The following ADAMTS19 variants were observed in gnomAD, a reference collection of about 807,000 sequenced individuals.
ADAMTS19 encodes A disintegrin and metalloproteinase with thrombospondin motifs 19.
In ADAMTS19, 93 loss-of-function variants were observed where a neutral mutation model predicts 153.3. That is an observed-to-expected ratio of 0.61 (90% confidence interval 0.51 to 0.72). ADAMTS19 has a LOEUF of 0.72. Among genes scored for constraint, ADAMTS19 ranks in the 30% least tolerant of loss-of-function variants. The pLI, the probability that ADAMTS19 is intolerant of heterozygous loss-of-function variation, is 0.00. For synonymous variants in ADAMTS19, 600 were observed against 556.6 expected (o/e 1.08, Z -1.10); for missense variants, 1,482 against 1,552.1 (o/e 0.95, Z 0.76).
intron 10 of ADAMTS19, among the ~76,000 whole-genome samples, chr5:129,636,825 A>C (rs1290162136): frequency 2.6e-5 from 4 of 152,220 alleles, no homozygotes; most frequent in Non-Finnish European, 4.4e-5. Flanking sequence ...CCTCATTTTT[A>C]TCAGTCTATT....
At chr5:129,564,745 G>A (rs1015988581) in intron 7 of ADAMTS19, among the ~76,000 whole-genome samples, 27 of 152,106 alleles carry the variant, frequency 1.8e-4, no homozygotes, top group African/African-American at 6.5e-4. Context: ...GAAAGGAAAG[G>A]GGTCGGGAAA....
intron 6 of ADAMTS19, among the ~76,000 whole-genome samples, chr5:129,536,226 A>C (rs540780400): frequency 6.6e-6 from 1 of 152,194 alleles, no homozygotes; most frequent in African/African-American, 2.4e-5. Context: ...AAAAAAACAA[A>C]CAACCCCATC....
At chr5:129,658,343 A>G (rs761112965) in intron 14 of ADAMTS19, among the ~76,000 whole-genome samples, 1,700 of 112,212 alleles carry the variant, frequency 0.015, 153 homozygotes, top group African/African-American at 0.065. Context: ...GAAAGAAAGA[A>G]AGAAAGAAAG....
chr5:129,578,037 T>TACAC (rs1442219801), intron 7 of ADAMTS19, among the ~76,000 whole-genome samples: 5 of 100,502 alleles, frequency 5.0e-5, no homozygotes, highest in Admixed American at 1.9e-4. Flanking sequence ...TTTTCAAACT[T>TACAC]ACATACACAC....
At chr5:129,599,314 A>C (rs1011587692) in intron 8 of ADAMTS19, among the ~76,000 whole-genome samples, 1 of 152,248 alleles carries the variant, frequency 6.6e-6, no homozygotes, top group South Asian at 2.1e-4. Context: ...AGAGGCAAGA[A>C]AAAATTATTA....
intron 3 of ADAMTS19, among the ~76,000 whole-genome samples, chr5:129,512,514 T>A (rs1202884395): frequency 6.6e-6 from 1 of 152,062 alleles, no homozygotes; most frequent in Non-Finnish European, 1.5e-5. Context: ...GAGAGCAACT[T>A]AATAAAAAGA....
chr5:129,516,418 G>A (rs1160358729), intron 3 of ADAMTS19, among the ~76,000 whole-genome samples: 4 of 151,628 alleles, frequency 2.6e-5, no homozygotes, highest in Non-Finnish European at 5.9e-5. Context: ...CAGCAGTGAA[G>A]CCATAGGGTC....
intron 7 of ADAMTS19, among the ~76,000 whole-genome samples, chr5:129,554,556 A>G (rs1753248439): frequency 6.6e-6 from 1 of 152,184 alleles, no homozygotes; most frequent in South Asian, 2.1e-4. Context: ...ATAATCAGGA[A>G]GGAAACCATC....
At chr5:129,479,074 T>C (rs377600768) in intron 2 of ADAMTS19, among the ~76,000 whole-genome samples, 239 of 152,264 alleles carry the variant, frequency 1.6e-3, no homozygotes, top group Middle Eastern at 6.8e-3. Context: ...ATGCTGAAGC[T>C]GAGGGAGATT....
At chr5:129,645,422 A>C (rs140261654) in intron 11 of ADAMTS19, among the ~76,000 whole-genome samples, 1 of 152,224 alleles carries the variant, frequency 6.6e-6, no homozygotes, top group African/African-American at 2.4e-5. Flanking sequence ...GCACAGAACC[A>C]TATAGAAGAC....
intron 16 of ADAMTS19, among the ~76,000 whole-genome samples, chr5:129,668,375 A>T (rs1266746745): frequency 2.6e-5 from 4 of 152,186 alleles, no homozygotes; most frequent in Non-Finnish European, 5.9e-5. Context: ...TAGGTAGCTT[A>T]TAAACAACAG....
chr5:129,714,805 C>T (rs540614246), intron 21 of ADAMTS19, among the ~76,000 whole-genome samples: 2 of 152,230 alleles, frequency 1.3e-5, no homozygotes, highest in East Asian at 3.9e-4. Context: ...AAATGTTTAA[C>T]AAAAGATTTT....
At chr5:129,584,498 C>T (rs1161885672) in intron 7 of ADAMTS19, among the ~76,000 whole-genome samples, 1 of 152,144 alleles carries the variant, frequency 6.6e-6, no homozygotes, top group Non-Finnish European at 1.5e-5. Context: ...CACCCACAGC[C>T]GCCCCTTCAC....
At chr5:129,565,352 G>A (rs1301116349) in intron 7 of ADAMTS19, among the ~76,000 whole-genome samples, 1 of 152,190 alleles carries the variant, frequency 6.6e-6, no homozygotes, top group African/African-American at 2.4e-5. Context: ...TACACAGAGA[G>A]TAATAACCTT....
At chr5:129,596,221 T>A (rs866484642) in intron 7 of ADAMTS19, among the ~76,000 whole-genome samples, 4 of 152,188 alleles carry the variant, frequency 2.6e-5, no homozygotes, top group Middle Eastern at 3.4e-3. Context: ...ATCATTGCTG[T>A]TTGATTATAT....
intron 2 of ADAMTS19, among the ~76,000 whole-genome samples, chr5:129,462,372 C>A (rs1749704193): frequency 6.6e-6 from 1 of 152,240 alleles, no homozygotes; most frequent in South Asian, 2.1e-4. Context: ...ACATTAGAAT[C>A]CGATCTGTGT....
intron 6 of ADAMTS19, among the ~76,000 whole-genome samples, chr5:129,550,586 ATATG>A (rs200902715): frequency 0.061 from 9,120 of 150,740 alleles, 408 homozygotes; most frequent in Non-Finnish European, 0.087. Context: ...ATATATAGAT[ATATG>A]TATGTATTAA....
Position 129,718,566 on chromosome 5 carries a change from T to A in ADAMTS19, c.3312+14175T>A, listed in dbSNP as rs372337760. Among the ~76,000 whole-genome samples, 51 of 152,252 alleles carry A rather than the reference T, an allele frequency of 3.3e-4. 2 individuals are homozygous for A. In the South Asian group the frequency reaches 9.5e-3, roughly 28 times the overall value. ...TTTAGTATGCTTGTTTCACACTCAC[T>A]TTATTAAAAAGTTGAAAGATAGAAC... On this transcript the variant is annotated intron_variant, in intron 21 of 22. Transcript: ENST00000274487.
At chr5:129,516,955 C>A (rs1751637198) in intron 3 of ADAMTS19, among the ~76,000 whole-genome samples, 1 of 148,818 alleles carries the variant, frequency 6.7e-6, no homozygotes, top group Non-Finnish European at 1.5e-5. Context: ...TGGCTGAATC[C>A]CAAAGGTTTT....
Sources: allele counts gnomAD v4.1 joint callset (sites outside exome capture counted in the v4.1 genomes callset), GRCh38; gene constraint gnomAD v4.1.1; transcripts MANE v1.5; gene names NCBI Gene and HGNC (gene_info 2026-07-23, HGNC 2026-07-21).